The following ST7 variants were observed in gnomAD, a reference collection of about 807,000 sequenced individuals.
ST7 encodes suppressor of tumorigenicity 7 protein.
In ST7, 28 loss-of-function variants were observed where a neutral mutation model predicts 78.7. The ratio of observed to expected loss-of-function variants is 0.36; its 90% CI spans 0.26 to 0.49. The LOEUF (loss-of-function observed/expected upper bound fraction) is 0.49. Among genes scored for constraint, ST7 ranks in the 20% least tolerant of loss-of-function variants. The pLI is 0.99. For synonymous variants in ST7, 247 were observed against 249.6 expected, an observed-to-expected ratio of 0.99 and a Z score of 0.10; for missense variants, 418 against 696.0, an observed-to-expected ratio of 0.60 and a Z score of 4.49.
At chr7:116,959,459 G>A (rs1159475523) in intron 1 of ST7, 4 of 327,348 alleles carry the variant, frequency 1.2e-5, no homozygotes, top group Non-Finnish European at 2.4e-5. Context: ...ATCTTCCAGT[G>A]TTAATTCCTT....
chr7:117,221,827 C>G, intron 14 of ST7, 96 bp from the exon 15 acceptor site: 1 of 1,365,374 alleles, frequency 7.3e-7, no homozygotes, highest in Non-Finnish European at 9.7e-7. Flanking sequence ...GCTTCCAACT[C>G]TTTCCCAAGC....
intron 1 of ST7, among the ~76,000 whole-genome samples, chr7:117,043,003 T>A (rs184457014): frequency 5.4e-4 from 82 of 152,324 alleles, no homozygotes; most frequent in African/African-American, 1.8e-3. Context: ...TTAATATAAT[T>A]GTTTAGGAAT....
intron 9 of ST7, among the ~76,000 whole-genome samples, chr7:117,163,507 C>T (rs1807310161): frequency 6.6e-6 from 1 of 152,020 alleles, no homozygotes; most frequent in Non-Finnish European, 1.5e-5. Context: ...GGAGATGATA[C>T]TACATTGTAG....
At chr7:117,099,636 T>C in intron 1 of ST7, 126 bp from the exon 2 acceptor site, 1 of 655,062 alleles carries the variant, frequency 1.5e-6, no homozygotes, top group Admixed American at 3.1e-5. Flanking sequence ...GATCTTACTA[T>C]GGTTCTAAGA....
rs572150311 is a variant in ST7 at position 117,219,707 on chromosome 7, C to T, written c.1498+531C>T. On this transcript the variant is annotated intron_variant, in intron 14 of 15. Transcript: ENST00000323984. The surrounding 1 kb of genome is among the most constrained non-coding windows in gnomAD (Gnocchi z 5.1). ...CAAGAGGGATTTCCCGTGAGCACCT[C>T]GTGGGTTGCATGTAGTGACTCGGAG... Among the ~76,000 whole-genome samples, 15 of 152,264 alleles carry T rather than the reference C, an allele frequency of 9.9e-5. No homozygotes were observed. The highest frequency in any genetic ancestry group is 6.8e-3 in the Middle Eastern group (2 of 294).
intron 10 of ST7, among the ~76,000 whole-genome samples, chr7:117,188,291 C>T (rs1422213307): frequency 6.6e-6 from 1 of 152,176 alleles, no homozygotes. Context: ...AAGTTGAAAA[C>T]AGCCTTGCAA....
intron 1 of ST7, among the ~76,000 whole-genome samples, chr7:117,041,450 G>T (rs886181591): frequency 6.6e-6 from 1 of 152,164 alleles, no homozygotes; most frequent in Non-Finnish European, 1.5e-5. Context: ...AAGAATGAAG[G>T]TCTGCAAAGT....
chr7:117,008,046 TCAAAAAACCAGAGA>T (rs1467927755), intron 1 of ST7, among the ~76,000 whole-genome samples: 1 of 152,140 alleles, frequency 6.6e-6, no homozygotes, highest in Non-Finnish European at 1.5e-5. Flanking sequence ...CAATAGCCTT[TCAAAAAACCAGAGA>T]CAAAAAAGCA....
At chr7:116,977,793 T>C (rs577995634) in intron 1 of ST7, among the ~76,000 whole-genome samples, 2 of 152,344 alleles carry the variant, frequency 1.3e-5, no homozygotes, top group East Asian at 3.9e-4. Flanking sequence ...ACCTCATGAT[T>C]CGTCCGGCCT....
rs1231046212 is a variant in ST7 at position 117,202,184 on chromosome 7, G to A, written c.1255-7603G>A. Reference sequence around the variant, plus strand: ...TCACCGTTTTAGCCGGGATGGTCTCGATCTCCTGACCTCGTGATCCGCCCG... The same window carrying A: ...TCACCGTTTTAGCCGGGATGGTCTCAATCTCCTGACCTCGTGATCCGCCCG... On this transcript the variant is annotated intron_variant, in intron 12 of 15. Transcript: ENST00000323984. Among the ~76,000 whole-genome samples, 3 of 23,502 alleles carry A rather than the reference G, an allele frequency of 1.3e-4. 1 individual carries two copies. Among genetic ancestry groups the A allele is most frequent in the African/African-American group, 3.2e-4 (3 of 9,240 alleles). 15.4% of individuals were successfully genotyped at this position (23,502 alleles called of 152,430 possible).
intron 1 of ST7, chr7:116,966,049 CT>C (rs1235062847): frequency 2.2e-6 from 1 of 457,092 alleles, no homozygotes; most frequent in African/African-American, 2.0e-5. Flanking sequence ...ACCCAACTAA[CT>C]TTCTAGAAAT....
intron 4 of ST7, 136 bp from the exon 5 acceptor site, chr7:117,130,355 A>AT: frequency 3.9e-6 from 2 of 507,152 alleles, no homozygotes; most frequent in South Asian, 4.0e-5. Context: ...ATTTTTAAAA[A>AT]TTTTTTTTAT....
intron 1 of ST7, among the ~76,000 whole-genome samples, chr7:117,059,515 A>G (rs1003979953): frequency 1.3e-5 from 2 of 152,134 alleles, no homozygotes; most frequent in Non-Finnish European, 2.9e-5. Context: ...TGTATGTAAC[A>G]TATGGAATTT....
chr7:117,222,050 C>T lies in ST7; in HGVS notation c.1626C>T (p.Val542=). The change falls in exon 15 of 16, where the codon GTC becomes GTT. Residue 542 remains valine, a synonymous_variant. Transcript: ENST00000323984. The part of the protein sequence containing the change: ...LTHQFPELMG[V]FAKAFLSTLF... Reference sequence around the variant, plus strand: ...ATCAGTTCCCGGAACTTATGGGGGTCTTCGCAAAAGCTGTGAGTGTTTGCC... The same window carrying T: ...ATCAGTTCCCGGAACTTATGGGGGTTTTCGCAAAAGCTGTGAGTGTTTGCC... The T allele has an allele frequency of 6.2e-7, 1 of 1,609,636 alleles. No individual in the cohort carries two copies. The highest frequency in any genetic ancestry group is 8.5e-7 in the Non-Finnish European group (1 of 1,178,368).
chr7:116,972,324 GAATTT>G (rs1793468229), intron 1 of ST7: 1 of 590,120 alleles, frequency 1.7e-6, no homozygotes, highest in South Asian at 1.7e-5. Flanking sequence ...CTCCCTCCTT[GAATTT>G]ATCAGTAAGA....
intron 1 of ST7, among the ~76,000 whole-genome samples, chr7:117,069,135 T>TG (rs1798788638): frequency 6.6e-6 from 1 of 152,242 alleles, no homozygotes; most frequent in South Asian, 2.1e-4. Flanking sequence ...ATTATCACTA[T>TG]ATATTTTGTA....
rs1041900197 is a variant in ST7 at position 116,972,379 on chromosome 7, T to C, written c.151+18688T>C. On this transcript the variant is annotated intron_variant, in intron 1 of 15. Coordinates refer to ENST00000323984, the MANE Select transcript of ST7 (RefSeq NM_001369598.1). ...CTCATATTTGTCTTCTTTTTGAGAGTACTTTTCTTCAGCAGGACTCAGACA... is the reference window on the plus strand; with the variant it reads ...CTCATATTTGTCTTCTTTTTGAGAGCACTTTTCTTCAGCAGGACTCAGACA... The C allele has an allele frequency of 7.3e-5, 48 of 655,144 alleles. No homozygotes were observed. The Admixed American group carries it at 1.0e-3, about 14-fold the overall frequency. 40.6% of individuals were successfully genotyped at this position (655,144 alleles called of 1,614,324 possible). A position where few individuals can be genotyped will look rare whatever the true frequency, so the allele number is the denominator to read the frequency against.
chr7:116,999,699 T>G (rs1794832066), intron 1 of ST7, among the ~76,000 whole-genome samples: 2 of 152,190 alleles, frequency 1.3e-5, no homozygotes. Flanking sequence ...TTAGGACACT[T>G]TGTTTAGAAG....
intron 1 of ST7, chr7:117,014,948 T>A: frequency 1.1e-5 from 14 of 1,326,394 alleles, no homozygotes; most frequent in Non-Finnish European, 1.4e-5. Context: ...TTTCATTTTC[T>A]GGCTGATAGA....
Sources: gnomAD v4.1 joint callset for allele counts (sites outside exome capture counted in the v4.1 genomes callset) on GRCh38, gnomAD v4.1.1 for gene constraint, Gnocchi (gnomAD v3.1) non-coding constraint, MANE v1.5 for transcripts, NCBI Gene and HGNC (gene_info 2026-07-23, HGNC 2026-07-21) for gene names.